Variants in CYYR1 observed in about 807,000 individuals in gnomAD.
The protein encoded by CYYR1 is cysteine and tyrosine rich 1.
In CYYR1, 14 loss-of-function variants were observed where a neutral mutation model predicts 15.2. The ratio of observed to expected loss-of-function variants is 0.92; its 90% CI spans 0.61 to 1.44. The LOEUF is 1.44. Among genes scored for constraint, CYYR1 ranks in the 40% most tolerant of loss-of-function variants. CYYR1 has a pLI of 0.00. For synonymous variants in CYYR1, 80 were observed against 77.4 expected, an observed-to-expected ratio of 1.03 and a Z score of -0.18; for missense variants, 228 against 209.5, an observed-to-expected ratio of 1.09 and a Z score of -0.54.
intron 2 of CYYR1, among the ~76,000 whole-genome samples, chr21:26,557,195 AT>A (rs1979851654): frequency 6.6e-6 from 1 of 152,200 alleles, no homozygotes; most frequent in East Asian, 1.9e-4. Flanking sequence ...CAGAGAACGC[AT>A]TAAATAAATG....
chr21:26,502,234 T>G (rs1308004782), intron 2 of CYYR1, among the ~76,000 whole-genome samples: 1 of 151,348 alleles, frequency 6.6e-6, no homozygotes, highest in African/African-American at 2.4e-5. Context: ...AGATCAAAGA[T>G]ACTCTGCTCC....
At chr21:26,492,289 G>A (rs2065339517) in intron 2 of CYYR1, among the ~76,000 whole-genome samples, 1 of 152,102 alleles carries the variant, frequency 6.6e-6, no homozygotes, top group Non-Finnish European at 1.5e-5. Flanking sequence ...ATTGGCGTTG[G>A]GAACCTACCT....
At position 26,468,573 on chromosome 21, in the gene CYYR1, T is replaced by A. The variant is rs2064995996; in HGVS notation, c.396A>T (p.Pro132=). Residue 132 remains proline, a synonymous_variant, in exon 4 of 4, where the codon CCA becomes CCT. Transcript: ENST00000652641. The part of the protein sequence containing the change: ...EMEYCADLPP[P]YSPTPQGPAQ... ...CTGGACCCTGTGGGGTGGGGGAGTA[T>A]GGAGGAGGCAAGTCTGCACAGTATT... The A allele has an allele frequency of 6.2e-7, 1 of 1,613,098 alleles. No homozygotes were observed. The highest frequency in any genetic ancestry group is 8.5e-7 in the Non-Finnish European group (1 of 1,179,634).
At chr21:26,516,190 C>T (rs2065725044) in intron 2 of CYYR1, among the ~76,000 whole-genome samples, 1 of 152,144 alleles carries the variant, frequency 6.6e-6, no homozygotes. Flanking sequence ...CACATCCTTC[C>T]AAGAAGTTCT....
chr21:26,554,116 A>T (rs1979595228), intron 2 of CYYR1, among the ~76,000 whole-genome samples: 1 of 152,114 alleles, frequency 6.6e-6, no homozygotes, highest in Non-Finnish European at 1.5e-5. Context: ...GATTAACACA[A>T]TTTTTTAAAG....
At chr21:26,497,204 CTACTAATG>C (rs920327753) in intron 2 of CYYR1, among the ~76,000 whole-genome samples, 52 of 152,184 alleles carry the variant, frequency 3.4e-4, no homozygotes, top group Middle Eastern at 6.8e-3. Flanking sequence ...GGGCCCTTTC[CTACTAATG>C]TACGCTCAGC....
At chr21:26,552,984 C>T (rs1382536994) in intron 2 of CYYR1, among the ~76,000 whole-genome samples, 1 of 151,974 alleles carries the variant, frequency 6.6e-6, no homozygotes, top group Non-Finnish European at 1.5e-5. Flanking sequence ...TATGATATTC[C>T]ATGTTTTCTC....
rs552543569 is a variant in CYYR1 at position 26,555,987 on chromosome 21, A to C, written c.176+10279T>G. ...GCAGATCATATTGCCTCATTGATGGAGCACATTCAACCCAGAAACATGACA... is the reference window on the plus strand; with the variant it reads ...GCAGATCATATTGCCTCATTGATGGCGCACATTCAACCCAGAAACATGACA... On this transcript the variant is annotated intron_variant, in intron 2 of 3. Coordinates refer to ENST00000652641, the MANE Select transcript of CYYR1 (RefSeq NM_001320768.2). 2.7e-3 allele frequency among the ~76,000 whole-genome samples: 418 copies of C among 152,294 alleles called. 1 individual carries two copies. The highest frequency in any genetic ancestry group is 9.5e-3 in the African/African-American group (396 of 41,568).
At chr21:26,474,428 T>TA (rs1555902700) in intron 3 of CYYR1, among the ~76,000 whole-genome samples, 15 of 149,082 alleles carry the variant, frequency 1.0e-4, no homozygotes, top group Non-Finnish European at 1.9e-4. Context: ...TTTTTTTTTT[T>TA]AACAGAGTAG....
intron 2 of CYYR1, chr21:26,503,779 T>C (rs1387163605): frequency 1.3e-5 from 2 of 152,136 alleles, no homozygotes; most frequent in African/African-American, 2.4e-5. Flanking sequence ...AGCTCAAGTA[T>C]AGGATGCAAA....
At chr21:26,496,038 T>C (rs2065398009) in intron 2 of CYYR1, among the ~76,000 whole-genome samples, 1 of 152,218 alleles carries the variant, frequency 6.6e-6, no homozygotes, top group South Asian at 2.1e-4. Flanking sequence ...GAGTGAAGGC[T>C]GTGGTCCTCA....
chr21:26,469,728 C>T (rs1278947412), intron 3 of CYYR1, among the ~76,000 whole-genome samples: 1 of 152,128 alleles, frequency 6.6e-6, no homozygotes, highest in Non-Finnish European at 1.5e-5. Context: ...TTCCTCCTAT[C>T]TAGCTGTAAT....
At chr21:26,495,149 T>A (rs1208848056) in intron 2 of CYYR1, among the ~76,000 whole-genome samples, 1 of 152,216 alleles carries the variant, frequency 6.6e-6, no homozygotes, top group Non-Finnish European at 1.5e-5. Flanking sequence ...ATGTTGCCTA[T>A]GTGGACAGGC....
intron 2 of CYYR1, among the ~76,000 whole-genome samples, chr21:26,540,696 A>T (rs1978491734): frequency 6.6e-6 from 1 of 152,186 alleles, no homozygotes; most frequent in Admixed American, 6.5e-5. Flanking sequence ...ATCAACATTC[A>T]GAGAAATAGC....
intron 2 of CYYR1, among the ~76,000 whole-genome samples, chr21:26,485,791 A>G (rs1008267821): frequency 3.3e-4 from 50 of 152,134 alleles, no homozygotes; most frequent in Admixed American, 2.7e-3. Flanking sequence ...TTGTGTGGAC[A>G]TAAGTATTCA....
intron 2 of CYYR1, among the ~76,000 whole-genome samples, chr21:26,558,564 T>C (rs550195416): frequency 4.6e-5 from 7 of 152,244 alleles, no homozygotes; most frequent in African/African-American, 1.4e-4. Context: ...CCCGGGACCA[T>C]CCAGGTTGCT....
rs986856732 is a variant in CYYR1 at position 26,477,887 on chromosome 21, C to T, written c.334+2385G>A. The T allele has an allele frequency of 1.0e-5, 13 of 1,290,474 alleles. No individual in the cohort carries two copies. The South Asian group carries it at 3.9e-4, about 38-fold the overall frequency. 79.9% of individuals were successfully genotyped at this position (1,290,474 alleles called of 1,614,324 possible). ...TTATATTCCAACATCTTTACAGTAA[C>T]CCTACCAATATTCTTGCAAGTTGGG... On this transcript the variant is annotated intron_variant, in intron 3 of 3. Coordinates refer to ENST00000652641, the MANE Select transcript of CYYR1 (RefSeq NM_001320768.2).
chr21:26,493,002 T>G (rs2065349115), intron 2 of CYYR1, among the ~76,000 whole-genome samples: 1 of 152,096 alleles, frequency 6.6e-6, no homozygotes, highest in Non-Finnish European at 1.5e-5. Flanking sequence ...TGTGAAAGGG[T>G]AACTTAGGGA....
intron 2 of CYYR1, among the ~76,000 whole-genome samples, chr21:26,485,138 AT>A (rs905555292): frequency 1.3e-5 from 2 of 151,810 alleles, no homozygotes; most frequent in Non-Finnish European, 2.9e-5. Flanking sequence ...CAGGGAATGT[AT>A]TTTTTTTAAA....
Sources: allele counts gnomAD v4.1 joint callset (sites outside exome capture counted in the v4.1 genomes callset), GRCh38; gene constraint gnomAD v4.1.1; transcripts MANE v1.5; gene names NCBI Gene and HGNC (gene_info 2026-07-23, HGNC 2026-07-21).